MIPOL1: variants seen among roughly 807,000 people sequenced by gnomAD.
MIPOL1 encodes the protein mirror-image polydactyly 1, also known as mirror-image polydactyly gene 1 protein.
In MIPOL1, 57 loss-of-function variants were observed where a neutral mutation model predicts 60.9. That is an observed-to-expected ratio of 0.94 (90% confidence interval 0.76 to 1.17). The LOEUF (loss-of-function observed/expected upper bound fraction) is 1.17. Among genes scored for constraint, MIPOL1 ranks in the 50% most tolerant of loss-of-function variants. MIPOL1 has a pLI of 0.00. For missense variants in MIPOL1, 551 were observed against 511.6 expected (o/e 1.08, Z -0.74); for synonymous variants, 179 against 168.8 (o/e 1.06, Z -0.47).
intron 3 of MIPOL1, among the ~76,000 whole-genome samples, chr14:37,256,937 T>C (rs1332214351): frequency 6.6e-6 from 1 of 152,034 alleles, no homozygotes; most frequent in Non-Finnish European, 1.5e-5. Flanking sequence ...TAATGCTTTT[T>C]TGAAAAGTTT....
chr14:37,297,683 C>A (rs1358394967), intron 7 of MIPOL1, among the ~76,000 whole-genome samples: 2 of 152,076 alleles, frequency 1.3e-5, no homozygotes, highest in Non-Finnish European at 2.9e-5. Flanking sequence ...AGAGCCAAAT[C>A]ATGAGTGAAC....
At chr14:37,348,809 A>G (rs1324189466) in intron 9 of MIPOL1, among the ~76,000 whole-genome samples, 1 of 135,870 alleles carries the variant, frequency 7.4e-6, no homozygotes, top group Non-Finnish European at 1.5e-5. Context: ...CCCTTAGTCT[A>G]TTCTTTTTTC....
intron 11 of MIPOL1, among the ~76,000 whole-genome samples, chr14:37,454,824 G>C (rs2094459332): frequency 6.6e-6 from 1 of 152,150 alleles, no homozygotes; most frequent in African/African-American, 2.4e-5. Context: ...GAGCACATGG[G>C]AGGTAGCTGA....
intron 10 of MIPOL1, among the ~76,000 whole-genome samples, chr14:37,402,607 C>T (rs925731840): frequency 2.0e-5 from 3 of 152,086 alleles, no homozygotes; most frequent in African/African-American, 7.2e-5. Flanking sequence ...TACGTGCAGC[C>T]TATTGAAAGC....
At chr14:37,316,621 A>G (rs1299964160) in intron 9 of MIPOL1, among the ~76,000 whole-genome samples, 5 of 135,294 alleles carry the variant, frequency 3.7e-5, no homozygotes, top group Non-Finnish European at 8.1e-5. Context: ...TCTTTTTTTA[A>G]TGGGATGTTC....
intron 10 of MIPOL1, among the ~76,000 whole-genome samples, chr14:37,377,007 G>A (rs1245104929): frequency 2.6e-5 from 4 of 151,818 alleles, no homozygotes; most frequent in Non-Finnish European, 5.9e-5. Context: ...TATCATTTTT[G>A]TCCTAATGAC....
At chr14:37,235,406 G>A (rs1971306024) in intron 1 of MIPOL1, among the ~76,000 whole-genome samples, 1 of 151,996 alleles carries the variant, frequency 6.6e-6, no homozygotes, top group Non-Finnish European at 1.5e-5. Context: ...GCAGTGTTAG[G>A]GAATCCTTGA....
intron 10 of MIPOL1, among the ~76,000 whole-genome samples, chr14:37,375,886 T>C (rs1029479728): frequency 2.6e-5 from 4 of 152,170 alleles, no homozygotes; most frequent in East Asian, 1.9e-4. Flanking sequence ...TCTGTAGTTT[T>C]CTGTCACCAT....
intron 12 of MIPOL1, among the ~76,000 whole-genome samples, chr14:37,516,151 T>C (rs1343560204): frequency 1.3e-5 from 2 of 152,204 alleles, no homozygotes; most frequent in Admixed American, 1.3e-4. Flanking sequence ...AATGGCACTT[T>C]GGTGAATACT....
rs376136155 is a variant in MIPOL1 at position 37,475,826 on chromosome 14, G to A, written c.1032-24082G>A. On this transcript the variant is annotated intron_variant, in intron 11 of 12. Transcript: ENST00000684589. ...ACACAATGCTGTCTTGATTACCATA[G>A]CGGTATAGTAAGTCTTGAAGTTAGG... Among the ~76,000 whole-genome samples, 26 of 152,208 alleles carry A rather than the reference G, an allele frequency of 1.7e-4. No homozygotes were observed. The East Asian group carries it at 1.7e-3, about 10-fold the overall frequency.
chr14:37,442,959 A>G (rs1219525483), intron 11 of MIPOL1, among the ~76,000 whole-genome samples: 1 of 152,156 alleles, frequency 6.6e-6, no homozygotes, highest in Non-Finnish European at 1.5e-5. Flanking sequence ...TCTTTGTAGA[A>G]ATTGAATTCT....
At chr14:37,361,882 T>A (rs1041113378) in intron 9 of MIPOL1, among the ~76,000 whole-genome samples, 2 of 152,098 alleles carry the variant, frequency 1.3e-5, no homozygotes, top group Non-Finnish European at 2.9e-5. Flanking sequence ...GCTGTTTGTC[T>A]CTTTTGACTT....
chr14:37,470,431 G>T (rs1332828168), intron 11 of MIPOL1, among the ~76,000 whole-genome samples: 1 of 151,974 alleles, frequency 6.6e-6, no homozygotes, highest in Non-Finnish European at 1.5e-5. Context: ...CCCCCTTGCT[G>T]TTCTCGTAAT....
chr14:37,289,527 AC>A, intron 7 of MIPOL1, among the ~76,000 whole-genome samples: 1 of 152,174 alleles, frequency 6.6e-6, no homozygotes, highest in Non-Finnish European at 1.5e-5. Flanking sequence ...AGGGAATCTT[AC>A]TTACGTTTAT....
chr14:37,397,174 G>T (rs2093387554), intron 10 of MIPOL1, among the ~76,000 whole-genome samples: 1 of 152,148 alleles, frequency 6.6e-6, no homozygotes, highest in Admixed American at 6.6e-5. Context: ...GGTGTCCCTT[G>T]ATGTAGTACT....
chr14:37,306,916 T>C (rs2086832233), intron 7 of MIPOL1, among the ~76,000 whole-genome samples: 1 of 151,824 alleles, frequency 6.6e-6, no homozygotes, highest in African/African-American at 2.4e-5. Context: ...ATACACTGAA[T>C]TATATATAAC....
intron 7 of MIPOL1, among the ~76,000 whole-genome samples, chr14:37,296,491 A>C (rs1374161224): frequency 3.9e-5 from 6 of 152,080 alleles, no homozygotes; most frequent in South Asian, 2.1e-4. Flanking sequence ...ACAAAAAACC[A>C]TTCAAAAAAT....
intron 1 of MIPOL1, among the ~76,000 whole-genome samples, chr14:37,231,008 G>T (rs1970545950): frequency 6.6e-6 from 1 of 152,030 alleles, no homozygotes; most frequent in South Asian, 2.1e-4. Context: ...ACAGTTGATT[G>T]GTGGAGTTAG....
At chr14:37,433,175 C>T (rs972900211) in intron 11 of MIPOL1, among the ~76,000 whole-genome samples, 10 of 152,102 alleles carry the variant, frequency 6.6e-5, no homozygotes, top group African/African-American at 2.4e-4. Context: ...ATCCTCCTGC[C>T]TCAGCCTCCT....
Sources: allele counts gnomAD v4.1 joint callset (sites outside exome capture counted in the v4.1 genomes callset), GRCh38; gene constraint gnomAD v4.1.1; transcripts MANE v1.5; gene names NCBI Gene and HGNC (gene_info 2026-07-23, HGNC 2026-07-21).